The following ST3GAL3 variants were observed in gnomAD, a reference collection of about 807,000 sequenced individuals.
The protein encoded by ST3GAL3 is ST3 beta-galactoside alpha-2,3-sialyltransferase 3.
Under a neutral mutation model 50.1 loss-of-function variants are expected in ST3GAL3, and 21 were observed. The ratio of observed to expected loss-of-function variants is 0.42; its 90% confidence interval spans 0.30 to 0.60. The LOEUF is 0.60. Ranked by LOEUF, ST3GAL3 falls within the 20% of genes least tolerant of loss-of-function variation. The pLI is 0.19. For missense variants in ST3GAL3, 353 were observed against 489.4 expected (o/e 0.72, Z 2.63); for synonymous variants, 183 against 190.0 (o/e 0.96, Z 0.30).
chr1:43,889,203 TACACACACACACAC>T (rs59739550), intron 5 of ST3GAL3, among the ~76,000 whole-genome samples: 1 of 148,048 alleles, frequency 6.8e-6, no homozygotes, highest in Middle Eastern at 3.2e-3. Context: ...GGAACAGGAA[TACACACACACACAC>T]ACACACACAC....
intron 11 of ST3GAL3, among the ~76,000 whole-genome samples, chr1:43,925,018 A>C (rs184271032): frequency 7.6e-4 from 115 of 152,294 alleles, no homozygotes; most frequent in African/African-American, 2.6e-3. Context: ...GGCCGGGCAC[A>C]GTAGCTCATG....
intron 3 of ST3GAL3, among the ~76,000 whole-genome samples, chr1:43,807,616 A>G (rs1174336299): frequency 6.6e-6 from 1 of 152,200 alleles, no homozygotes; most frequent in Admixed American, 6.5e-5. Context: ...CAGAGCATCT[A>G]TTAGACAGGG....
chr1:43,800,770 T>C (rs981004389), intron 3 of ST3GAL3, among the ~76,000 whole-genome samples: 8 of 152,224 alleles, frequency 5.3e-5, no homozygotes, highest in African/African-American at 1.9e-4. Context: ...CAATAAATAG[T>C]AGTTCCTCTC....
intron 10 of ST3GAL3, 106 bp from the exon 11 acceptor site, chr1:43,920,676 C>T: frequency 6.2e-7 from 1 of 1,609,218 alleles, no homozygotes; most frequent in East Asian, 2.2e-5. Flanking sequence ...GGGCTCAGTC[C>T]TTGGGCATGG....
At chr1:43,823,864 G>A (rs181085860) in intron 4 of ST3GAL3, among the ~76,000 whole-genome samples, 8 of 152,300 alleles carry the variant, frequency 5.3e-5, no homozygotes, top group Admixed American at 5.2e-4. Context: ...ATTTGCTTAT[G>A]TTCACAGAAC....
At chr1:43,920,296 A>G in intron 9 of ST3GAL3, 108 bp from the exon 10 acceptor site, 1 of 1,427,758 alleles carries the variant, frequency 7.0e-7, no homozygotes, top group East Asian at 2.3e-5. Context: ...TTCCCCATTA[A>G]ACGCCTCATG....
intron 9 of ST3GAL3, among the ~76,000 whole-genome samples, chr1:43,902,053 C>T (rs1031952372): frequency 6.6e-6 from 1 of 152,222 alleles, no homozygotes; most frequent in South Asian, 2.1e-4. Flanking sequence ...TTCCCAGGAC[C>T]TCACCCATGC....
Position 43,849,744 on chromosome 1 carries a change from A to T in ST3GAL3, c.302+11433A>T, listed in dbSNP as rs535968976. Reference sequence around the variant, plus strand: ...CATACTTTGAACTACTGACAGCAAAACCCTCCCACCATACTGAGTGCACCT... The same window carrying T: ...CATACTTTGAACTACTGACAGCAAATCCCTCCCACCATACTGAGTGCACCT... On this transcript the variant is annotated intron_variant, in intron 5 of 11. Coordinates refer to ENST00000347631, the MANE Select transcript of ST3GAL3 (RefSeq NM_006279.5). Among the ~76,000 whole-genome samples, 12 of 149,794 alleles carry T rather than the reference A, an allele frequency of 8.0e-5. No homozygotes were observed. In the South Asian group the frequency reaches 2.4e-3, roughly 29 times the overall value.
chr1:43,860,911 G>T lies in ST3GAL3; in HGVS notation c.302+22600G>T, dbSNP rs192544704. Among the ~76,000 whole-genome samples the T allele has an allele frequency of 1.8e-3, 280 of 152,358 alleles. 2 individuals are homozygous for T. Among genetic ancestry groups the T allele is most frequent in the Non-Finnish European group, 2.5e-3 (172 of 68,028 alleles). Reference sequence around the variant, plus strand: ...AAGCTTTTGAGCTGAGGCAAAAGTGGTCTTACTGTACTTAGACTGTCATCT... The same window carrying T: ...AAGCTTTTGAGCTGAGGCAAAAGTGTTCTTACTGTACTTAGACTGTCATCT... On this transcript the variant is annotated intron_variant, in intron 5 of 11. Transcript: ENST00000347631.
intron 1 of ST3GAL3, chr1:43,707,910 C>G (rs1022589470): frequency 6.6e-6 from 1 of 152,354 alleles, no homozygotes; most frequent in Non-Finnish European, 1.5e-5. Flanking sequence ...TGGGGGCCGC[C>G]GAGCCTGGGG....
intron 5 of ST3GAL3, among the ~76,000 whole-genome samples, chr1:43,865,220 A>G (rs1558638846): frequency 1.3e-5 from 2 of 151,786 alleles, no homozygotes; most frequent in South Asian, 2.1e-4. Flanking sequence ...GGGTTTCACC[A>G]TGTTAGCCAG....
intron 3 of ST3GAL3, among the ~76,000 whole-genome samples, chr1:43,812,124 A>C (rs750024984): frequency 7.9e-5 from 12 of 152,218 alleles, no homozygotes; most frequent in Non-Finnish European, 1.2e-4. Context: ...TTGAGCATCT[A>C]CTGTGAGCAG....
intron 2 of ST3GAL3, among the ~76,000 whole-genome samples, chr1:43,771,449 C>T (rs12142533): frequency 0.32 from 48,521 of 151,716 alleles, 9,302 homozygotes; most frequent in East Asian, 0.53. Flanking sequence ...GCTCCGCCCC[C>T]GGGGTTCACA....
At chr1:43,778,854 A>G (rs1236048219) in intron 2 of ST3GAL3, among the ~76,000 whole-genome samples, 1 of 151,796 alleles carries the variant, frequency 6.6e-6, no homozygotes, top group Non-Finnish European at 1.5e-5. Context: ...TCACCATGTT[A>G]GCCAGGATGG....
At position 43,878,240 on chromosome 1, in the gene ST3GAL3, C is replaced by T. The variant is rs113664131; in HGVS notation, c.303-16143C>T. The stretch of plus-strand genomic sequence containing the variant: ...TCCACCTCTCTCCTCTAAGGATTCA[C>T]AATGGTGTTAGGGCTCACCTAGATA... On this transcript the variant is annotated intron_variant, in intron 5 of 11. Coordinates refer to ENST00000347631, the MANE Select transcript of ST3GAL3 (RefSeq NM_006279.5). 3.5e-4 allele frequency among the ~76,000 whole-genome samples: 54 copies of T among 152,300 alleles called. 2 individuals carry two copies. Among genetic ancestry groups the T allele is most frequent in the African/African-American group, 1.1e-3 (45 of 41,564 alleles).
intron 2 of ST3GAL3, among the ~76,000 whole-genome samples, chr1:43,752,841 T>G (rs1476315118): frequency 6.6e-6 from 1 of 152,214 alleles, no homozygotes; most frequent in African/African-American, 2.4e-5. Context: ...AAACCTCTTG[T>G]TCATCTAATT....
intron 3 of ST3GAL3, among the ~76,000 whole-genome samples, chr1:43,803,921 G>A (rs1573179930): frequency 6.6e-6 from 1 of 152,176 alleles, no homozygotes; most frequent in African/African-American, 2.4e-5. Context: ...TGTAATCCTG[G>A]GCTTTCCAGC....
intron 5 of ST3GAL3, among the ~76,000 whole-genome samples, chr1:43,888,239 A>G (rs571865695): frequency 4.6e-5 from 7 of 152,262 alleles, no homozygotes; most frequent in African/African-American, 1.2e-4. Context: ...AAGTACTAAA[A>G]AAGTATGGAT....
intron 4 of ST3GAL3, among the ~76,000 whole-genome samples, chr1:43,828,267 A>T (rs1200946769): frequency 1.3e-5 from 2 of 152,266 alleles, no homozygotes; most frequent in Non-Finnish European, 2.9e-5. Context: ...ACCTAAATAG[A>T]CTAAATGCAA....
Sources: gnomAD v4.1 joint callset for allele counts (sites outside exome capture counted in the v4.1 genomes callset) on GRCh38, gnomAD v4.1.1 for gene constraint, MANE v1.5 for transcripts, NCBI Gene and HGNC (gene_info 2026-07-23, HGNC 2026-07-21) for gene names.